The following MGAT4C variants were observed in gnomAD, a reference collection of about 807,000 sequenced individuals.
MGAT4C encodes MGAT4 family member C.
MGAT4C carries 19 observed loss-of-function variants against 40.1 expected under a neutral mutation model. That is an observed-to-expected ratio of 0.47 (90% confidence interval 0.33 to 0.70). The LOEUF is 0.70. MGAT4C is among the 30% of genes least tolerant of loss of function. MGAT4C has a pLI of 0.02. For synonymous variants in MGAT4C, 181 were observed against 187.1 expected, an observed-to-expected ratio of 0.97 and a Z score of 0.27; for missense variants, 491 against 563.2, an observed-to-expected ratio of 0.87 and a Z score of 1.30.
chr12:86,358,740 A>C (rs1022052682), intron 3 of MGAT4C, among the ~76,000 whole-genome samples: 5 of 152,254 alleles, frequency 3.3e-5, no homozygotes, highest in Admixed American at 2.6e-4. Context: ...AGGCCATTGC[A>C]TAATGGTAAA....
intron 3 of MGAT4C, among the ~76,000 whole-genome samples, chr12:86,408,467 CTCTCTCTCTCTCTATATATATA>C: frequency 9.3e-6 from 1 of 108,084 alleles, no homozygotes; most frequent in African/African-American, 4.0e-5. Flanking sequence ...CTCTCTCTCT[CTCTCTCTCTCTCTATATATATA>C]TATATATATA....
At chr12:86,623,324 T>C (rs771539130) in intron 2 of MGAT4C, among the ~76,000 whole-genome samples, 10 of 152,204 alleles carry the variant, frequency 6.6e-5, no homozygotes, top group Admixed American at 1.3e-4. Flanking sequence ...TAGAATTTCC[T>C]ACATTTTCTA....
chr12:86,314,190 G>A (rs928233617), intron 4 of MGAT4C, among the ~76,000 whole-genome samples: 1 of 152,138 alleles, frequency 6.6e-6, no homozygotes, highest in Non-Finnish European at 1.5e-5. Flanking sequence ...TTAGCACAAT[G>A]TAATGAAGTT....
At chr12:86,355,312 A>G (rs1955284686) in intron 3 of MGAT4C, among the ~76,000 whole-genome samples, 1 of 152,196 alleles carries the variant, frequency 6.6e-6, no homozygotes, top group Non-Finnish European at 1.5e-5. Context: ...TCTCCACTCA[A>G]CCCAGGAAGT....
chr12:86,713,561 C>T (rs1201754586), intron 2 of MGAT4C, among the ~76,000 whole-genome samples: 2 of 151,864 alleles, frequency 1.3e-5, no homozygotes, highest in Admixed American at 6.6e-5. Context: ...CTATATGCTA[C>T]AAGAAAGGAT....
At chr12:86,239,811 G>C (rs1951700316) in intron 1 of MGAT4C, among the ~76,000 whole-genome samples, 1 of 145,874 alleles carries the variant, frequency 6.9e-6, no homozygotes, top group Non-Finnish European at 1.5e-5. Flanking sequence ...TCTCTTCTCA[G>C]TGGAACATGT....
chr12:86,597,633 T>C (rs1217447108), intron 2 of MGAT4C, among the ~76,000 whole-genome samples: 2 of 152,132 alleles, frequency 1.3e-5, no homozygotes, highest in Admixed American at 1.3e-4. Context: ...CTGATGAAAC[T>C]ACTGACTCAG....
At chr12:86,106,659 T>A (rs947071473) in intron 1 of MGAT4C, among the ~76,000 whole-genome samples, 1 of 152,114 alleles carries the variant, frequency 6.6e-6, no homozygotes, top group Non-Finnish European at 1.5e-5. Flanking sequence ...ATATGGTCTT[T>A]TTTTTTTCCT....
chr12:86,210,303 G>T (rs957027157), intron 1 of MGAT4C, among the ~76,000 whole-genome samples: 2 of 152,138 alleles, frequency 1.3e-5, no homozygotes, highest in Non-Finnish European at 2.9e-5. Context: ...TGGCTTGCAG[G>T]TGCAATGTTC....
chr12:86,182,812 G>C (rs912300149), intron 1 of MGAT4C, among the ~76,000 whole-genome samples: 6 of 152,112 alleles, frequency 3.9e-5, no homozygotes, highest in African/African-American at 1.4e-4. Flanking sequence ...ATATACCAGT[G>C]AGAGCTACAG....
chr12:86,424,574 C>A (rs1039656143), intron 3 of MGAT4C, among the ~76,000 whole-genome samples: 1 of 152,102 alleles, frequency 6.6e-6, no homozygotes, highest in Non-Finnish European at 1.5e-5. Context: ...TAATACCTCC[C>A]CAGCTTCTGA....
chr12:86,642,861 G>T (rs1261626592), intron 2 of MGAT4C, among the ~76,000 whole-genome samples: 2 of 151,418 alleles, frequency 1.3e-5, no homozygotes, highest in Admixed American at 1.3e-4. Context: ...TAATAAAAAA[G>T]ACAGAAGATA....
intron 2 of MGAT4C, among the ~76,000 whole-genome samples, chr12:86,011,363 A>G (rs998553989): frequency 6.6e-6 from 1 of 152,258 alleles, no homozygotes. Context: ...CATAGTTTCA[A>G]TAGTTTAAAC....
chr12:86,380,640 G>T (rs1955911459), intron 3 of MGAT4C, among the ~76,000 whole-genome samples: 1 of 152,084 alleles, frequency 6.6e-6, no homozygotes, highest in Non-Finnish European at 1.5e-5. Context: ...TACCTACTAA[G>T]CCCTTTGTGT....
At chr12:86,414,723 G>A (rs1956674359) in intron 3 of MGAT4C, among the ~76,000 whole-genome samples, 1 of 152,058 alleles carries the variant, frequency 6.6e-6, no homozygotes, top group Non-Finnish European at 1.5e-5. Context: ...TAGATATTTT[G>A]CTACAAGTGT....
chr12:85,992,167 G>A (rs182011053), intron 2 of MGAT4C, among the ~76,000 whole-genome samples: 1 of 152,274 alleles, frequency 6.6e-6, no homozygotes, highest in East Asian at 1.9e-4. Context: ...GAAAAATACT[G>A]GACATTTGTC....
At chr12:86,389,114 G>A (rs570609419) in intron 3 of MGAT4C, among the ~76,000 whole-genome samples, 1 of 152,112 alleles carries the variant, frequency 6.6e-6, no homozygotes, top group Non-Finnish European at 1.5e-5. Flanking sequence ...TGTCACAGGG[G>A]TTTGTTGTAC....
At chr12:86,551,357 A>G (rs1959351379) in intron 2 of MGAT4C, among the ~76,000 whole-genome samples, 1 of 152,150 alleles carries the variant, frequency 6.6e-6, no homozygotes, top group Non-Finnish European at 1.5e-5. Context: ...CCTGGGCCTT[A>G]GAAACAGCCC....
At chr12:86,218,563 G>A (rs78150020) in intron 1 of MGAT4C, among the ~76,000 whole-genome samples, 2,264 of 152,224 alleles carry the variant, frequency 0.015, 32 homozygotes, top group African/African-American at 0.035. Flanking sequence ...TTTGTATGGA[G>A]TGTTATTATT....
Sources: allele counts gnomAD v4.1 joint callset (sites outside exome capture counted in the v4.1 genomes callset), GRCh38; gene constraint gnomAD v4.1.1; transcripts MANE v1.5; gene names NCBI Gene and HGNC (gene_info 2026-07-23, HGNC 2026-07-21).